NKAIN2: variants seen among roughly 807,000 people sequenced by gnomAD.
NKAIN2 encodes sodium/potassium transporting ATPase interacting 2.
NKAIN2 carries 14 observed loss-of-function variants against 32.6 expected under a neutral mutation model. That is an observed-to-expected ratio of 0.43 (90% CI 0.28 to 0.67). The LOEUF (loss-of-function observed/expected upper bound fraction) is 0.67, where lower values mean the gene tolerates loss of function less well. Among genes scored for constraint, NKAIN2 ranks in the 30% least tolerant of loss-of-function variants. The pLI is 0.17. For missense variants in NKAIN2, 198 were observed against 258.3 expected, an observed-to-expected ratio of 0.77 and a Z score of 1.60; for synonymous variants, 80 against 87.2, an observed-to-expected ratio of 0.92 and a Z score of 0.46.
chr6:124,010,708 A>G (rs1040715871), intron 1 of NKAIN2, among the ~76,000 whole-genome samples: 9 of 151,944 alleles, frequency 5.9e-5, no homozygotes, highest in African/African-American at 1.9e-4. Context: ...GTGTGTGTGC[A>G]TGTGGAAGGT....
chr6:123,832,794 G>A (rs9490960), intron 1 of NKAIN2, among the ~76,000 whole-genome samples: 5,840 of 152,156 alleles, frequency 0.038, 378 homozygotes, highest in African/African-American at 0.13. Flanking sequence ...GTCTATTAAA[G>A]TTTCTGACCC....
chr6:124,616,179 C>T (rs4377803), intron 3 of NKAIN2, among the ~76,000 whole-genome samples: 27,876 of 151,920 alleles, frequency 0.18, 2,704 homozygotes, highest in Middle Eastern at 0.24. Context: ...ATGTTTTATA[C>T]ACTACATGCA....
chr6:124,507,319 GA>G (rs1778524324), intron 3 of NKAIN2, among the ~76,000 whole-genome samples: 1 of 152,088 alleles, frequency 6.6e-6, no homozygotes, highest in Admixed American at 6.5e-5. Context: ...AGTTTTCTCA[GA>G]ACAAGTAAAT....
chr6:124,701,153 GCA>G (rs60670238), intron 4 of NKAIN2, among the ~76,000 whole-genome samples: 3,699 of 131,910 alleles, frequency 0.028, 74 homozygotes, highest in Admixed American at 0.055. Flanking sequence ...ACACACACAC[GCA>G]CACACACACA....
intron 3 of NKAIN2, among the ~76,000 whole-genome samples, chr6:124,517,038 C>T (rs1778941413): frequency 1.3e-5 from 2 of 152,122 alleles, no homozygotes; most frequent in African/African-American, 2.4e-5. Flanking sequence ...TTTCTGTATA[C>T]TCTAAAGAAC....
chr6:124,633,880 C>T (rs1302298656), intron 3 of NKAIN2, among the ~76,000 whole-genome samples: 1 of 152,180 alleles, frequency 6.6e-6, no homozygotes, highest in Non-Finnish European at 1.5e-5. Flanking sequence ...GCATGTGCCT[C>T]AGGCTCTTGA....
intron 3 of NKAIN2, among the ~76,000 whole-genome samples, chr6:124,481,746 A>G (rs1294724443): frequency 6.6e-6 from 1 of 152,134 alleles, no homozygotes; most frequent in African/African-American, 2.4e-5. Context: ...TTGTTTAGAT[A>G]TTCATTAAGA....
intron 1 of NKAIN2, among the ~76,000 whole-genome samples, chr6:124,149,455 T>C (rs1198290010): frequency 6.6e-6 from 1 of 152,204 alleles, no homozygotes; most frequent in East Asian, 1.9e-4. Context: ...AGTTAATGTT[T>C]TGTTTATGGT....
intron 1 of NKAIN2, among the ~76,000 whole-genome samples, chr6:123,900,532 G>GGTTTTTTTTTTTT (rs1774516637): frequency 6.1e-5 from 2 of 32,764 alleles, no homozygotes; most frequent in Non-Finnish European, 1.1e-4. Flanking sequence ...CTCCAGATTA[G>GGTTTTTTTTTTTT]TTTTTTTTTT....
chr6:124,639,726 G>C (rs1783915443), intron 3 of NKAIN2, among the ~76,000 whole-genome samples: 1 of 152,172 alleles, frequency 6.6e-6, no homozygotes, highest in Admixed American at 6.5e-5. Context: ...GGATGAGTTT[G>C]CAGTGAAAGT....
intron 1 of NKAIN2, among the ~76,000 whole-genome samples, chr6:124,147,179 C>T (rs749080325): frequency 4.6e-5 from 7 of 152,098 alleles, no homozygotes; most frequent in Admixed American, 6.6e-5. Flanking sequence ...GGGCATGCTG[C>T]GGACTTTTAG....
chr6:124,002,690 C>T (rs1342409271), intron 1 of NKAIN2, among the ~76,000 whole-genome samples: 8 of 152,102 alleles, frequency 5.3e-5, no homozygotes, highest in Admixed American at 4.6e-4. Flanking sequence ...AAAGAAAGTG[C>T]TAACTTTCTT....
chr6:124,719,674 A>G (rs1356881321), intron 4 of NKAIN2, among the ~76,000 whole-genome samples: 2 of 151,734 alleles, frequency 1.3e-5, no homozygotes, highest in Non-Finnish European at 2.9e-5. Context: ...AGTAAATACC[A>G]TGGCTGACCT....
intron 3 of NKAIN2, among the ~76,000 whole-genome samples, chr6:124,599,912 C>G (rs570985554): frequency 6.6e-6 from 1 of 152,148 alleles, no homozygotes; most frequent in South Asian, 2.1e-4. Context: ...GAGGCTCTGT[C>G]TAAATCAAAA....
At chr6:124,205,804 T>C (rs958421378) in intron 1 of NKAIN2, among the ~76,000 whole-genome samples, 1 of 151,904 alleles carries the variant, frequency 6.6e-6, no homozygotes, top group Non-Finnish European at 1.5e-5. Context: ...GCAGTCCATG[T>C]TTGTTCCACA....
chr6:124,729,941 AGT>A (rs1019094265), intron 4 of NKAIN2, among the ~76,000 whole-genome samples: 1 of 149,780 alleles, frequency 6.7e-6, no homozygotes, highest in Non-Finnish European at 1.5e-5. Flanking sequence ...CCAAATCATG[AGT>A]GAACTCCCAT....
At chr6:124,403,982 A>C (rs953729134) in intron 3 of NKAIN2, among the ~76,000 whole-genome samples, 1 of 152,172 alleles carries the variant, frequency 6.6e-6, no homozygotes, top group Non-Finnish European at 1.5e-5. Flanking sequence ...TAACTTTTCT[A>C]TCTAAAGCAC....
At chr6:124,790,790 T>C (rs1227859227) in intron 4 of NKAIN2, among the ~76,000 whole-genome samples, 6 of 152,116 alleles carry the variant, frequency 3.9e-5, no homozygotes, top group Non-Finnish European at 7.4e-5. Flanking sequence ...TCCCTACTTA[T>C]AGGTGTCCAT....
chr6:124,086,389 G>C (rs1008460022), intron 1 of NKAIN2, among the ~76,000 whole-genome samples: 3 of 151,924 alleles, frequency 2.0e-5, no homozygotes, highest in Non-Finnish European at 4.4e-5. Flanking sequence ...GTAATATCAG[G>C]TATGATTGTA....
Sources: gnomAD v4.1 joint callset for allele counts (sites outside exome capture counted in the v4.1 genomes callset) on GRCh38, gnomAD v4.1.1 for gene constraint, MANE v1.5 for transcripts, NCBI Gene and HGNC (gene_info 2026-07-23, HGNC 2026-07-21) for gene names.